Variants in AGBL1 observed in about 807,000 individuals in gnomAD.
AGBL1 encodes AGBL carboxypeptidase 1.
A neutral mutation model predicts 118.9 loss-of-function variants in AGBL1; 130 were observed. That is an observed-to-expected ratio of 1.09 (90% CI 0.95 to 1.26). The LOEUF (loss-of-function observed/expected upper bound fraction) is 1.26, where lower values mean the gene tolerates loss of function less well. Ranked by LOEUF, AGBL1 falls within the 50% of genes most tolerant of loss-of-function variation. AGBL1 has a pLI of 0.00. For synonymous variants in AGBL1, 555 were observed against 478.9 expected (o/e 1.16, Z -2.08); for missense variants, 1,584 against 1,298.1 (o/e 1.22, Z -3.38).
chr15:86,842,656 A>AT (rs1290391398), intron 22 of AGBL1, among the ~76,000 whole-genome samples: 1 of 152,222 alleles, frequency 6.6e-6, no homozygotes, highest in Non-Finnish European at 1.5e-5. Context: ...AGTATGCTTC[A>AT]TGCTGGTGGG....
intron 21 of AGBL1, among the ~76,000 whole-genome samples, chr15:86,605,653 G>A (rs1478377689): frequency 6.6e-6 from 1 of 152,134 alleles, no homozygotes; most frequent in East Asian, 1.9e-4. Flanking sequence ...AGACATTGAC[G>A]TTGATTTTGC....
chr15:86,444,947 T>A (rs80314426), intron 18 of AGBL1, among the ~76,000 whole-genome samples: 6,677 of 152,314 alleles, frequency 0.044, 197 homozygotes, highest in South Asian at 0.098. Flanking sequence ...AAAAATAAAT[T>A]GAGATACATT....
intron 22 of AGBL1, among the ~76,000 whole-genome samples, chr15:86,810,139 T>A (rs1469347502): frequency 1.3e-5 from 2 of 152,020 alleles, no homozygotes; most frequent in Admixed American, 6.6e-5. Context: ...ACAGCAACAA[T>A]AAAAACCACA....
At chr15:86,346,865 T>A (rs1164396631) in intron 17 of AGBL1, among the ~76,000 whole-genome samples, 1 of 152,232 alleles carries the variant, frequency 6.6e-6, no homozygotes, top group East Asian at 1.9e-4. Context: ...CAATGTGCCA[T>A]ACAGCAAGAC....
intron 21 of AGBL1, among the ~76,000 whole-genome samples, chr15:86,557,534 A>T (rs1202186112): frequency 6.6e-6 from 1 of 152,110 alleles, no homozygotes; most frequent in Non-Finnish European, 1.5e-5. Flanking sequence ...TTGAAGAGTG[A>T]CTCAACTTGT....
rs1377265828 is a variant in AGBL1, at chr15:86,651,404, AT to A, written c.2995-22867del. Among the ~76,000 whole-genome samples the A allele has an allele frequency of 3.9e-5, 6 of 152,324 alleles. No homozygotes were observed. The East Asian group carries it at 1.2e-3, about 29-fold the overall frequency. On this transcript the variant is annotated intron_variant, in intron 21 of 22. Coordinates refer to ENST00000614907, the MANE Select transcript of AGBL1 (RefSeq NM_001386094.1). ...AAAGAGATAATTCAAAGAGGATTAGATTCTGGTTAAAACTTCTCTCACTGTA... is the reference window on the plus strand; with the variant it reads ...AAAGAGATAATTCAAAGAGGATTAGATCTGGTTAAAACTTCTCTCACTGTA...
intron 17 of AGBL1, among the ~76,000 whole-genome samples, chr15:86,369,254 A>G (rs2080934924): frequency 6.6e-6 from 1 of 152,220 alleles, no homozygotes; most frequent in Admixed American, 6.5e-5. Context: ...TTAATTTGAT[A>G]AAGCAAACTC....
intron 22 of AGBL1, among the ~76,000 whole-genome samples, chr15:86,883,584 A>G (rs114155764): frequency 2.6e-5 from 4 of 152,296 alleles, no homozygotes; most frequent in African/African-American, 9.6e-5. Context: ...TTCCTCTGCT[A>G]GAACATTCAC....
intron 21 of AGBL1, among the ~76,000 whole-genome samples, chr15:86,608,649 A>G (rs2469163): frequency 0.49 from 75,149 of 151,958 alleles, 18,746 homozygotes; most frequent in East Asian, 0.73. Context: ...GAGACCTGGC[A>G]GGTATCCAGG....
At chr15:86,320,619 T>TGTTG (rs2080090753) in intron 17 of AGBL1, among the ~76,000 whole-genome samples, 1 of 152,120 alleles carries the variant, frequency 6.6e-6, no homozygotes, top group Admixed American at 6.5e-5. Context: ...CAATGCTTAT[T>TGTTG]ATATGCGGTG....
intron 23 of AGBL1, among the ~76,000 whole-genome samples, chr15:86,983,072 TTTG>T (rs1228284779): frequency 6.6e-6 from 1 of 152,208 alleles, no homozygotes; most frequent in Admixed American, 6.5e-5. Flanking sequence ...TTGTTTTGTT[TTTG>T]TTTTGTTTTT....
intron 18 of AGBL1, among the ~76,000 whole-genome samples, chr15:86,509,422 AATAG>A (rs2083025465): frequency 6.6e-6 from 1 of 152,128 alleles, no homozygotes; most frequent in Non-Finnish European, 1.5e-5. Flanking sequence ...GTTGGGCAGT[AATAG>A]AAGATTGAGT....
chr15:86,218,937 A>T (rs1359037821), intron 5 of AGBL1, among the ~76,000 whole-genome samples: 6 of 152,208 alleles, frequency 3.9e-5, no homozygotes, highest in Admixed American at 3.9e-4. Flanking sequence ...GATCCACCTA[A>T]GTGGATTCCT....
intron 18 of AGBL1, among the ~76,000 whole-genome samples, chr15:86,422,214 A>C (rs2081800778): frequency 6.6e-6 from 1 of 152,248 alleles, no homozygotes; most frequent in African/African-American, 2.4e-5. Flanking sequence ...ACTCTGCAGC[A>C]AACGCAAAAG....
intron 3 of AGBL1, among the ~76,000 whole-genome samples, chr15:86,151,041 A>C (rs1415761538): frequency 6.6e-6 from 1 of 151,936 alleles, no homozygotes; most frequent in African/African-American, 2.4e-5. Flanking sequence ...TTCTCAGTAA[A>C]CTATCGCAAG....
intron 18 of AGBL1, among the ~76,000 whole-genome samples, chr15:86,408,865 T>G (rs1468753378): frequency 6.6e-6 from 1 of 152,164 alleles, no homozygotes; most frequent in Non-Finnish European, 1.5e-5. Flanking sequence ...ACTACAATTT[T>G]TCCTCACTTT....
chr15:86,378,740 G>A (rs1300638360), intron 17 of AGBL1, among the ~76,000 whole-genome samples: 2 of 151,972 alleles, frequency 1.3e-5, no homozygotes, highest in Non-Finnish European at 2.9e-5. Flanking sequence ...CCACATGTAA[G>A]TAACATATGC....
intron 24 of AGBL1, among the ~76,000 whole-genome samples, chr15:87,001,558 G>C (rs1430607050): frequency 6.6e-6 from 1 of 152,014 alleles, no homozygotes; most frequent in Admixed American, 6.6e-5. Context: ...TCGCCACACT[G>C]ACTTCCACAA....
intron 22 of AGBL1, among the ~76,000 whole-genome samples, chr15:86,816,637 A>G (rs994150672): frequency 5.9e-5 from 9 of 152,200 alleles, no homozygotes; most frequent in African/African-American, 1.9e-4. Context: ...TTGAGGGGAA[A>G]AATCTGGAGA....
Sources: allele counts gnomAD v4.1 joint callset (sites outside exome capture counted in the v4.1 genomes callset), GRCh38; gene constraint gnomAD v4.1.1; transcripts MANE v1.5; gene names NCBI Gene and HGNC (gene_info 2026-07-23, HGNC 2026-07-21).